Variants in AKAP6 observed in about 807,000 individuals in gnomAD.
AKAP6 encodes A-kinase anchoring protein 6.
A neutral mutation model predicts 188.5 loss-of-function variants in AKAP6; 58 were observed. That is an observed-to-expected ratio of 0.31 (90% confidence interval 0.25 to 0.38). The LOEUF (loss-of-function observed/expected upper bound fraction) is 0.38, where lower values mean the gene tolerates loss of function less well. Ranked by LOEUF, AKAP6 falls within the 10% of genes least tolerant of loss-of-function variation. The probability of loss-of-function intolerance (pLI) is 1.00; values close to 1 mark genes in which losing one functional copy is unlikely to be tolerated. For synonymous variants in AKAP6, 989 were observed against 998.6 expected (o/e 0.99, Z 0.18); for missense variants, 2,710 against 2,740.0 (o/e 0.99, Z 0.24).
intron 1 of AKAP6, among the ~76,000 whole-genome samples, chr14:32,408,860 C>T (rs952757108): frequency 6.6e-6 from 1 of 152,056 alleles, no homozygotes; most frequent in Admixed American, 6.6e-5. Flanking sequence ...TGAAAGGCTT[C>T]ATGTGTGGCA....
chr14:32,610,429 TTAGAA>T (rs1314616740), intron 7 of AKAP6, among the ~76,000 whole-genome samples: 17 of 152,340 alleles, frequency 1.1e-4, no homozygotes, highest in Admixed American at 9.8e-4. Context: ...TTATTCATCC[TTAGAA>T]TAGATAAATA....
chr14:32,357,148 G>A (rs1208401780), intron 1 of AKAP6, among the ~76,000 whole-genome samples: 1 of 152,064 alleles, frequency 6.6e-6, no homozygotes, highest in Non-Finnish European at 1.5e-5. Context: ...GACATATTTA[G>A]TGTTACAAAA....
intron 1 of AKAP6, among the ~76,000 whole-genome samples, chr14:32,405,766 C>A (rs1275931296): frequency 6.6e-6 from 1 of 152,142 alleles, no homozygotes; most frequent in East Asian, 1.9e-4. Context: ...CACCCATTCT[C>A]TCTCCTGCCA....
chr14:32,786,609 C>A (rs1160371631), intron 12 of AKAP6, among the ~76,000 whole-genome samples: 2 of 152,040 alleles, frequency 1.3e-5, no homozygotes, highest in Non-Finnish European at 2.9e-5. Context: ...CAGGCATGAG[C>A]CACAGCACCC....
At chr14:32,358,427 T>C (rs540442753) in intron 1 of AKAP6, among the ~76,000 whole-genome samples, 89 of 152,346 alleles carry the variant, frequency 5.8e-4, no homozygotes, top group African/African-American at 2.0e-3. Flanking sequence ...AACTCTTGCT[T>C]ATTTTCTTAT....
chr14:32,771,026 T>C (rs895765404), intron 11 of AKAP6, among the ~76,000 whole-genome samples: 3 of 152,198 alleles, frequency 2.0e-5, no homozygotes, highest in African/African-American at 7.2e-5. Flanking sequence ...TTTCTATCTA[T>C]GCATATTTTA....
At chr14:32,796,909 G>A (rs957696364) in intron 12 of AKAP6, among the ~76,000 whole-genome samples, 1 of 152,104 alleles carries the variant, frequency 6.6e-6, no homozygotes, top group Non-Finnish European at 1.5e-5. Context: ...TCTGACAAAG[G>A]TCTAATACCC....
chr14:32,684,012 G>A (rs1889805009), intron 8 of AKAP6, among the ~76,000 whole-genome samples: 1 of 152,184 alleles, frequency 6.6e-6, no homozygotes, highest in African/African-American at 2.4e-5. Flanking sequence ...GGGCACTCTA[G>A]GAGACAGATG....
At chr14:32,658,507 G>A (rs1170878935) in intron 7 of AKAP6, among the ~76,000 whole-genome samples, 1 of 152,012 alleles carries the variant, frequency 6.6e-6, no homozygotes, top group African/African-American at 2.4e-5. Context: ...ATTTTTTAAT[G>A]TTGGTTAATG....
intron 7 of AKAP6, among the ~76,000 whole-genome samples, chr14:32,627,128 A>G (rs193048101): frequency 6.6e-6 from 1 of 152,220 alleles, no homozygotes; most frequent in Admixed American, 6.5e-5. Context: ...CTTTGTTAAT[A>G]AGTTATTTTG....
intron 1 of AKAP6, among the ~76,000 whole-genome samples, chr14:32,370,361 G>A (rs374977740): frequency 2.0e-5 from 3 of 152,256 alleles, no homozygotes; most frequent in Admixed American, 1.3e-4. Flanking sequence ...CAGTGCTATC[G>A]AATTGATGGT....
intron 12 of AKAP6, among the ~76,000 whole-genome samples, chr14:32,818,183 A>G (rs1250099435): frequency 6.6e-6 from 1 of 152,198 alleles, no homozygotes; most frequent in Non-Finnish European, 1.5e-5. Context: ...TGGAATTGCC[A>G]TACAAGAAAT....
At chr14:32,452,694 G>A (rs1056290935) in intron 2 of AKAP6, among the ~76,000 whole-genome samples, 3 of 152,088 alleles carry the variant, frequency 2.0e-5, no homozygotes, top group Non-Finnish European at 2.9e-5. Flanking sequence ...GGCTATGCAT[G>A]TTTTACATTT....
chr14:32,600,848 G>T, intron 7 of AKAP6, 56 bp downstream of exon 7: 1 of 1,504,096 alleles, frequency 6.6e-7, no homozygotes, highest in South Asian at 1.4e-5. Flanking sequence ...TTTTGAACTA[G>T]GCACCACTGA....
At chr14:32,601,051 A>AG (rs1262324996) in intron 7 of AKAP6, among the ~76,000 whole-genome samples, 2 of 152,104 alleles carry the variant, frequency 1.3e-5, no homozygotes, top group African/African-American at 4.8e-5. Flanking sequence ...GGTGAGAGAA[A>AG]GGGGGACATA....
Position 32,769,552 on chromosome 14 carries a change from G to GT in AKAP6, c.3373-4106dup, listed in dbSNP as rs146861682. On this transcript the variant is annotated intron_variant, in intron 11 of 13. Transcript: ENST00000280979. Reference sequence around the variant, plus strand: ...TCTGAAAGTGGGAATTGCTTCATGGGTTTTTTTTTTTTTTTTTTTTAACAG... The same window carrying GT: ...TCTGAAAGTGGGAATTGCTTCATGGGTTTTTTTTTTTTTTTTTTTTTAACAG... 2.3e-3 allele frequency among the ~76,000 whole-genome samples: 335 copies of GT among 146,360 alleles called. 2 individuals are homozygous for GT. The highest frequency in any genetic ancestry group is 0.011 in the South Asian group (51 of 4,622).
intron 1 of AKAP6, among the ~76,000 whole-genome samples, chr14:32,366,692 C>G (rs772164724): frequency 1.3e-5 from 2 of 151,656 alleles, no homozygotes; most frequent in Non-Finnish European, 2.9e-5. Flanking sequence ...TGAAAATGCT[C>G]TGTGTGTGTG....
At position 32,546,116 on chromosome 14, in the gene AKAP6, G is replaced by A. The variant is rs1294990504; in HGVS notation, c.1463G>A (p.Cys488Tyr). ...TCCAGCCTGGGAAGGCTTAACGACT[G>A]CTATAAAGAGAAATCTCGACTTAAA... ...ISSSLGRLNDCYKEKSRLKKP... is the reference protein window; with the variant it reads ...ISSSLGRLNDYYKEKSRLKKP... Residue 488 changes from cysteine to tyrosine, a missense_variant, in exon 4 of 14, where the codon TGC (cysteine) becomes TAC (tyrosine). Around this residue, in one of 2 missense-constraint regions of AKAP6, gnomAD observed 2,473 missense variants for 2,426.1 expected, o/e 1.02. Transcript: ENST00000280979. 6.2e-7 allele frequency: 1 copy of A among 1,614,006 alleles called. No individual in the cohort carries two copies. Among genetic ancestry groups the A allele is most frequent in the Non-Finnish European group, 8.5e-7 (1 of 1,179,984 alleles).
chr14:32,416,709 C>G (rs1889671561), intron 1 of AKAP6, among the ~76,000 whole-genome samples: 1 of 152,014 alleles, frequency 6.6e-6, no homozygotes, highest in Non-Finnish European at 1.5e-5. Flanking sequence ...TGCCCACCAC[C>G]ATGCCTGGCT....
Sources: gnomAD v4.1 joint callset for allele counts (sites outside exome capture counted in the v4.1 genomes callset) on GRCh38, gnomAD v4.1.1 for gene constraint, gnomAD v4.1.1 regional missense constraint, MANE v1.5 for transcripts, NCBI Gene and HGNC (gene_info 2026-07-23, HGNC 2026-07-21) for gene names.